The following JAK1 variants were observed in gnomAD, a reference collection of about 807,000 sequenced individuals.
The protein encoded by JAK1 is Janus kinase 1.
Under a neutral mutation model 136.6 loss-of-function variants are expected in JAK1, and 16 were observed. The ratio of observed to expected loss-of-function variants is 0.12; its 90% CI spans 0.08 to 0.18. The LOEUF is 0.18. JAK1 is among the 10% of genes least tolerant of loss of function. JAK1 has a pLI of 1.00. For synonymous variants in JAK1, 492 were observed against 519.5 expected (o/e 0.95, Z 0.72); for missense variants, 859 against 1,450.1 (o/e 0.59, Z 6.62).
At chr1:65,036,586 T>C (rs1165956679) in intron 2 of JAK1, among the ~76,000 whole-genome samples, 1 of 152,250 alleles carries the variant, frequency 6.6e-6, no homozygotes, top group Non-Finnish European at 1.5e-5. Flanking sequence ...CCCTATGTGC[T>C]TATTAACATA....
At chr1:64,855,000 C>T (rs1272149416) in intron 11 of JAK1, among the ~76,000 whole-genome samples, 1 of 152,182 alleles carries the variant, frequency 6.6e-6, no homozygotes, top group African/African-American at 2.4e-5. Flanking sequence ...CTGTTTGACT[C>T]CAGGGTATGA....
chr1:64,891,878 C>T (rs1168690435), intron 1 of JAK1, among the ~76,000 whole-genome samples: 1 of 152,204 alleles, frequency 6.6e-6, no homozygotes, highest in Non-Finnish European at 1.5e-5. Context: ...CCAGGAATAC[C>T]CCAGAACCGT....
chr1:64,918,839 T>C (rs1645444428), intron 1 of JAK1, among the ~76,000 whole-genome samples: 1 of 152,064 alleles, frequency 6.6e-6, no homozygotes, highest in African/African-American at 2.4e-5. Context: ...AACTGAAACT[T>C]GAAAAAAAAT....
intron 1 of JAK1, among the ~76,000 whole-genome samples, chr1:64,907,858 C>G (rs2100248048): frequency 6.6e-6 from 1 of 152,252 alleles, no homozygotes; most frequent in Admixed American, 6.5e-5. Flanking sequence ...ATATGGACTA[C>G]TAAAAAGCAA....
rs56300724 is a variant in JAK1, at chr1:64,851,370, G to A, written c.1649-460C>T. ...TTAAATGAGTGAATGAATGACTGGCGTCTTTCTAAAGGATGAGAGCTATGG... is the reference window on the plus strand; with the variant it reads ...TTAAATGAGTGAATGAATGACTGGCATCTTTCTAAAGGATGAGAGCTATGG... On this transcript the variant is annotated intron_variant, in intron 11 of 24. Transcript: ENST00000342505. Among the ~76,000 whole-genome samples, 26 of 152,298 alleles carry A rather than the reference G, an allele frequency of 1.7e-4. No homozygotes were observed. The East Asian group carries it at 4.2e-3, about 25-fold the overall frequency.
At chr1:64,874,367 A>AT (rs768313728) in intron 4 of JAK1, among the ~76,000 whole-genome samples, 196 of 148,574 alleles carry the variant, frequency 1.3e-3, no homozygotes, top group Middle Eastern at 3.5e-3. Flanking sequence ...TAGCACAGAA[A>AT]TTTTTTTTTT....
At chr1:64,914,546 G>A (rs1645358359) in intron 1 of JAK1, among the ~76,000 whole-genome samples, 1 of 152,138 alleles carries the variant, frequency 6.6e-6, no homozygotes, top group South Asian at 2.1e-4. Context: ...TAACTGGGAA[G>A]TATCTGGGCA....
At chr1:64,941,841 T>G (rs1323615846) in intron 1 of JAK1, 1 of 152,230 alleles carries the variant, frequency 6.6e-6, no homozygotes, top group Non-Finnish European at 1.5e-5. Context: ...CCCCTGGGAC[T>G]TTCCAGTGTT....
intron 2 of JAK1, among the ~76,000 whole-genome samples, chr1:64,987,053 C>T (rs1646606735): frequency 6.6e-6 from 1 of 152,166 alleles, no homozygotes; most frequent in Non-Finnish European, 1.5e-5. Context: ...CAGCCATTGC[C>T]ACAGTCAGGT....
chr1:64,908,674 T>A (rs920140800), intron 1 of JAK1, among the ~76,000 whole-genome samples: 3 of 152,088 alleles, frequency 2.0e-5, no homozygotes, highest in Admixed American at 6.6e-5. Context: ...TATTTCAAGC[T>A]TGTTAAAATG....
chr1:64,959,070 C>A (rs1039518859), intron 1 of JAK1, among the ~76,000 whole-genome samples: 1 of 152,196 alleles, frequency 6.6e-6, no homozygotes, highest in Non-Finnish European at 1.5e-5. Flanking sequence ...TTGTCTTTCT[C>A]ATTCTAGAGT....
chr1:65,019,365 T>C (rs1646917759), intron 2 of JAK1, among the ~76,000 whole-genome samples: 2 of 151,878 alleles, frequency 1.3e-5, no homozygotes, highest in Admixed American at 1.3e-4. Flanking sequence ...AAAGCAAGTG[T>C]ATCCTAGGAA....
At chr1:64,935,934 G>C (rs946062118) in intron 1 of JAK1, among the ~76,000 whole-genome samples, 1 of 152,110 alleles carries the variant, frequency 6.6e-6, no homozygotes, top group Non-Finnish European at 1.5e-5. Context: ...AGAACAGACC[G>C]GTGTGTGTCT....
At chr1:64,952,262 G>A (rs1348646027) in intron 1 of JAK1, among the ~76,000 whole-genome samples, 3 of 152,158 alleles carry the variant, frequency 2.0e-5, no homozygotes, top group Non-Finnish European at 4.4e-5. Context: ...GCCTTATTAA[G>A]GCAAGTGAGC....
chr1:65,011,771 G>A (rs947738273), intron 2 of JAK1, among the ~76,000 whole-genome samples: 2 of 152,172 alleles, frequency 1.3e-5, no homozygotes, highest in African/African-American at 4.8e-5. Flanking sequence ...TGGATGGCAG[G>A]GAGAAGAAGG....
intron 1 of JAK1, among the ~76,000 whole-genome samples, chr1:64,955,666 G>A (rs1052761817): frequency 1.3e-5 from 2 of 152,182 alleles, no homozygotes; most frequent in Non-Finnish European, 2.9e-5. Flanking sequence ...AGTCAGACAC[G>A]GAAAGATAAA....
chr1:64,971,869 T>C (rs1646455597), intron 2 of JAK1, among the ~76,000 whole-genome samples: 1 of 152,220 alleles, frequency 6.6e-6, no homozygotes, highest in Non-Finnish European at 1.5e-5. Context: ...TTATCTATCA[T>C]ACTTTTGATA....
chr1:64,925,040 T>C (rs114323896), intron 1 of JAK1, among the ~76,000 whole-genome samples: 3,104 of 152,170 alleles, frequency 0.02, 118 homozygotes, highest in African/African-American at 0.072. Context: ...AAATGTACCA[T>C]TCTGGTGGGA....
At chr1:64,995,609 C>T (rs983573722) in intron 2 of JAK1, among the ~76,000 whole-genome samples, 13 of 152,128 alleles carry the variant, frequency 8.5e-5, no homozygotes, top group East Asian at 3.9e-4. Flanking sequence ...CAAACTATTT[C>T]CCCTAATACT....
Sources: gnomAD v4.1 joint callset for allele counts (sites outside exome capture counted in the v4.1 genomes callset) on GRCh38, gnomAD v4.1.1 for gene constraint, MANE v1.5 for transcripts, NCBI Gene and HGNC (gene_info 2026-07-23, HGNC 2026-07-21) for gene names.